The following PTPRT variants were observed in gnomAD, a reference collection of about 807,000 sequenced individuals.
PTPRT encodes protein tyrosine phosphatase receptor type T.
Under a neutral mutation model 176.8 loss-of-function variants are expected in PTPRT, and 56 were observed. That is an observed-to-expected ratio of 0.32 (90% CI 0.26 to 0.40). The LOEUF is 0.40. PTPRT is among the 10% of genes least tolerant of loss of function. The pLI is 1.00. For missense variants in PTPRT, 1,540 were observed against 1,908.2 expected, an observed-to-expected ratio of 0.81 and a Z score of 3.60; for synonymous variants, 783 against 739.0, an observed-to-expected ratio of 1.06 and a Z score of -0.96.
chr20:43,115,365 C>G (rs957432858), intron 1 of PTPRT, among the ~76,000 whole-genome samples: 2 of 152,190 alleles, frequency 1.3e-5, no homozygotes, highest in Admixed American at 6.5e-5. Flanking sequence ...GGTCAGAGAA[C>G]ACACAGGCAT....
chr20:42,319,310 C>T (rs756740486), intron 11 of PTPRT, among the ~76,000 whole-genome samples: 4 of 146,924 alleles, frequency 2.7e-5, no homozygotes, highest in South Asian at 2.2e-4. Flanking sequence ...ACCAATAAAA[C>T]GTATAAAGGG....
At chr20:42,601,828 G>T (rs190899445) in intron 7 of PTPRT, among the ~76,000 whole-genome samples, 11 of 152,208 alleles carry the variant, frequency 7.2e-5, no homozygotes, top group Non-Finnish European at 4.4e-5. Context: ...TAGGTGTGCT[G>T]GTTCCCAAGA....
intron 1 of PTPRT, among the ~76,000 whole-genome samples, chr20:42,953,834 T>C (rs80188733): frequency 0.05 from 7,680 of 152,258 alleles, 525 homozygotes; most frequent in African/African-American, 0.15. Flanking sequence ...TTTAGGGGGC[T>C]GTCCAGTGCT....
intron 7 of PTPRT, among the ~76,000 whole-genome samples, chr20:42,549,459 GAGA>G (rs768553662): frequency 6.6e-6 from 1 of 152,090 alleles, no homozygotes; most frequent in Non-Finnish European, 1.5e-5. Context: ...CACGGGAGCA[GAGA>G]AGAAGGAGAT....
intron 1 of PTPRT, among the ~76,000 whole-genome samples, chr20:42,911,939 C>T (rs1978405847): frequency 6.7e-6 from 1 of 149,734 alleles, no homozygotes; most frequent in African/African-American, 2.5e-5. Context: ...GGTTGCCATC[C>T]TGCATGCTGT....
intron 12 of PTPRT, among the ~76,000 whole-genome samples, chr20:42,302,192 T>C (rs972350413): frequency 1.3e-5 from 2 of 152,196 alleles, no homozygotes; most frequent in African/African-American, 4.8e-5. Context: ...TGCAAATATA[T>C]ATGCATGACT....
chr20:42,495,143 C>T (rs534510437), intron 7 of PTPRT, among the ~76,000 whole-genome samples: 23 of 152,288 alleles, frequency 1.5e-4, no homozygotes, highest in Non-Finnish European at 3.1e-4. Context: ...TCAGGCCTAA[C>T]GTCCCCACTT....
Position 42,791,322 on chromosome 20 carries a change from A to C in PTPRT, c.359T>G (p.Leu120Trp), listed in dbSNP as rs2145548497. 1 of 1,614,226 alleles carries C rather than the reference A, an allele frequency of 6.2e-7. No homozygotes were observed. The highest frequency in any genetic ancestry group is 2.2e-5 in the East Asian group (1 of 44,880). ...ACCATTCACCTTCACGTAGACGTTC[A>C]AGGCCCCTGGGCTGGACCTGTCACG... is the stretch of plus-strand genomic sequence containing the variant. The part of the protein sequence containing the change: ...SSRDRSSPGA[L>W]NVYVKVNGGP... The change falls in exon 3 of 31, where the codon TTG becomes TGG. Residue 120 changes from leucine (L) to tryptophan (W), a missense_variant. By Grantham distance (61) the Leu-to-Trp change is moderately conservative. Coordinates refer to ENST00000373187, the MANE Select transcript of PTPRT (RefSeq NM_007050.6).
intron 17 of PTPRT, among the ~76,000 whole-genome samples, chr20:42,153,920 A>T (rs1369041593): frequency 1.3e-5 from 2 of 152,162 alleles, no homozygotes; most frequent in African/African-American, 2.4e-5. Flanking sequence ...CTTCCATGTG[A>T]GCTCTTTCCT....
intron 17 of PTPRT, among the ~76,000 whole-genome samples, chr20:42,154,433 G>C (rs1015802812): frequency 1.8e-4 from 28 of 152,284 alleles, no homozygotes; most frequent in African/African-American, 6.3e-4. Context: ...GAACAAGATG[G>C]CAACACAGGC....
intron 7 of PTPRT, among the ~76,000 whole-genome samples, chr20:42,677,634 A>G (rs2075529001): frequency 6.6e-6 from 1 of 152,176 alleles, no homozygotes; most frequent in Non-Finnish European, 1.5e-5. Context: ...AGTTCTTAGA[A>G]TCACAGTCAG....
At position 43,144,786 on chromosome 20, in the gene PTPRT, T is replaced by TA. The variant is rs371752888; in HGVS notation, c.88+44859dup. 5.5e-4 allele frequency among the ~76,000 whole-genome samples: 82 copies of TA among 148,272 alleles called. 1 individual carries two copies. The highest frequency in any genetic ancestry group is 1.2e-3 in the African/African-American group (50 of 40,530). On this transcript the variant is annotated intron_variant, in intron 1 of 30. Coordinates refer to ENST00000373187, the MANE Select transcript of PTPRT (RefSeq NM_007050.6). ...CTGAATATACTAAAAACCGTTGAAT[T>TA]AAAAAAAAAAGTGATGTTTTCAAAA...
intron 1 of PTPRT, among the ~76,000 whole-genome samples, chr20:43,133,823 A>G (rs2013729525): frequency 6.6e-6 from 1 of 151,946 alleles, no homozygotes; most frequent in South Asian, 2.1e-4. Context: ...AGGGTTTGCT[A>G]AAACACAAAT....
chr20:42,101,886 T>G (rs377131011), intron 26 of PTPRT, among the ~76,000 whole-genome samples: 1 of 152,324 alleles, frequency 6.6e-6, no homozygotes, highest in African/African-American at 2.4e-5. Context: ...GGGAGCCACC[T>G]TACGCTTCTG....
intron 7 of PTPRT, among the ~76,000 whole-genome samples, chr20:42,568,256 C>T (rs1391004027): frequency 2.0e-5 from 3 of 152,122 alleles, no homozygotes; most frequent in Non-Finnish European, 2.9e-5. Context: ...CGTGAGCCAC[C>T]GCGCCCGGCT....
chr20:42,684,549 G>C (rs2075659601), intron 6 of PTPRT, among the ~76,000 whole-genome samples: 1 of 152,098 alleles, frequency 6.6e-6, no homozygotes, highest in South Asian at 2.1e-4. Flanking sequence ...CAAAGGATTG[G>C]AAGTATTTAG....
intron 8 of PTPRT, among the ~76,000 whole-genome samples, chr20:42,452,380 T>C (rs932596494): frequency 6.6e-6 from 1 of 151,820 alleles, no homozygotes; most frequent in African/African-American, 2.4e-5. Flanking sequence ...GAAAGAAGGG[T>C]TCTCTCCTTT....
chr20:42,263,371 C>CTTTTT lies in PTPRT; in HGVS notation c.2177-14554_2177-14550dup, dbSNP rs11477690. 3.8e-3 allele frequency among the ~76,000 whole-genome samples: 192 copies of CTTTTT among 50,976 alleles called. 49 individuals are homozygous for CTTTTT. Among genetic ancestry groups the CTTTTT allele is most frequent in the African/African-American group, 0.02 (189 of 9,260 alleles). The allele number at this position is 50,976 out of a possible 152,430, so 33.4% of individuals were successfully genotyped here. A position where few individuals can be genotyped will look rare whatever the true frequency, so the allele number is the denominator to read the frequency against. ...CACAGGCATGCGCTGCCATGCCTGG[C>CTTTTT]TTTTTTTTTTTTTTTTTTTTTTTTT... On this transcript the variant is annotated intron_variant, in intron 13 of 30. Transcript: ENST00000373187.
intron 7 of PTPRT, among the ~76,000 whole-genome samples, chr20:42,613,248 T>C (rs17841999): frequency 0.24 from 36,230 of 152,144 alleles, 5,654 homozygotes; most frequent in African/African-American, 0.45. Context: ...CACCAGGTGA[T>C]GCCATACTGA....
Sources: gnomAD v4.1 joint callset for allele counts (sites outside exome capture counted in the v4.1 genomes callset) on GRCh38, gnomAD v4.1.1 for gene constraint, MANE v1.5 for transcripts, NCBI Gene and HGNC (gene_info 2026-07-23, HGNC 2026-07-21) for gene names.